Variants in GSN observed in about 807,000 individuals in gnomAD.
GSN encodes the protein gelsolin.
Under a neutral mutation model 85.7 loss-of-function variants are expected in GSN, and 56 were observed. The ratio of observed to expected loss-of-function variants is 0.65; its 90% CI spans 0.53 to 0.82. The LOEUF is 0.82. Among genes scored for constraint, GSN ranks in the 40% least tolerant of loss-of-function variants. The pLI is 0.00. For missense variants in GSN, 857 were observed against 979.8 expected (o/e 0.87, Z 1.67); for synonymous variants, 373 against 399.1 (o/e 0.93, Z 0.78).
rs938702801 is a variant in GSN, at chr9:121,332,557, G to A, written c.2150G>A (p.Trp717Ter). 2 of 1,614,102 alleles carry A rather than the reference G, an allele frequency of 1.2e-6. No homozygotes were observed. The highest frequency in any genetic ancestry group is 1.7e-5 in the Admixed American group (1 of 60,020). Residue 717 changes from tryptophan (W) to a stop codon, truncating the protein, a stop_gained, in exon 18 of 18, where the codon TGG becomes TAG. Coordinates refer to ENST00000432226, the MANE Select transcript of GSN (RefSeq NM_198252.3). LOFTEE classifies it high-confidence loss of function. This position sits in a 1 kb window ranked among gnomAD's most constrained non-coding sequence, Gnocchi z 4.8. ...TTCCTTGGCTGGGATGATGATTACTGGTCTGTGGACCCCTTGGACAGGGCC... is the reference window on the plus strand; with the variant it reads ...TTCCTTGGCTGGGATGATGATTACTAGTCTGTGGACCCCTTGGACAGGGCC... The part of the protein sequence containing the change: ...GWFLGWDDDY[W>*]SVDPLDRAMA...
At chr9:121,254,418 C>T (rs2054905958) in intron 6 of GSN, among the ~76,000 whole-genome samples, 1 of 152,188 alleles carries the variant, frequency 6.6e-6, no homozygotes, top group South Asian at 2.1e-4. Flanking sequence ...AGTTCTTTCT[C>T]TTCCCTTTTC....
rs76463933 is a variant in GSN, at chr9:121,327,414, C to T, written c.1694C>T (p.Thr565Met). Residue 565 changes from threonine (T) to methionine (M), a missense_variant, in exon 14 of 18, where the codon ACG becomes ATG. By Grantham distance (81) the Thr-to-Met change is moderately conservative. Transcript: ENST00000432226. ...VGTGASEAEKTGAQELLRVLR... is the reference protein window; with the variant it reads ...VGTGASEAEKMGAQELLRVLR... ...ACAGGAGCCAGCGAGGCAGAGAAGA[C>T]GGGGGCCCAGGAGCTGCTCAGGGTG... 0.035 allele frequency: 57,046 copies of T among 1,610,990 alleles called. 1,584 individuals carry two copies. Among genetic ancestry groups the T allele is most frequent in the African/African-American group, 0.13 (9,795 of 74,944 alleles).
intron 11 of GSN, among the ~76,000 whole-genome samples, chr9:121,321,812 G>A (rs177697): frequency 0.58 from 87,999 of 151,822 alleles, 25,792 homozygotes; most frequent in East Asian, 0.68. Context: ...GTGCGGTCTC[G>A]CTCACTGCAA....
intron 4 of GSN, among the ~76,000 whole-genome samples, chr9:121,229,134 A>G (rs955708747): frequency 6.6e-6 from 1 of 152,274 alleles, no homozygotes; most frequent in African/African-American, 2.4e-5. Flanking sequence ...AGAGCACATA[A>G]TTCTCATAAC....
rs554900094 is a variant in GSN, at chr9:121,234,790, A to G, written c.-389+3487A>G. ...CTTAAGCCCAGGAGTTAAAGTCTGC[A>G]GTGAGCTATGATTGCATCACCATAC... On this transcript the variant is annotated intron_variant, in intron 5 of 24. Transcript: ENST00000373823. 9.8e-4 allele frequency among the ~76,000 whole-genome samples: 150 copies of G among 152,362 alleles called. 1 individual carries two copies. The South Asian group carries it at 0.03, about 31-fold the overall frequency.
At chr9:121,222,431 T>C (rs151157205) in intron 4 of GSN, among the ~76,000 whole-genome samples, 8 of 152,298 alleles carry the variant, frequency 5.3e-5, no homozygotes, top group Admixed American at 5.2e-4. Flanking sequence ...CAAAGGAGAA[T>C]CTGATTAACA....
At chr9:121,239,725 G>A (rs927131194) in intron 5 of GSN, 11 of 306,492 alleles carry the variant, frequency 3.6e-5, no homozygotes, top group African/African-American at 1.8e-4. Context: ...GGTTTTTCCC[G>A]ATCCAACTAA....
upstream of GSN, chr9:121,265,776 G>A (rs1456393259): frequency 6.6e-6 from 1 of 152,172 alleles, no homozygotes; most frequent in Non-Finnish European, 1.5e-5. Flanking sequence ...GGACAAACAG[G>A]CCTTACCTTA....
intron 1 of GSN, among the ~76,000 whole-genome samples, chr9:121,274,091 A>G (rs2132435792): frequency 6.6e-6 from 1 of 152,364 alleles, no homozygotes; most frequent in East Asian, 1.9e-4. Flanking sequence ...ATAATTAAGC[A>G]GCAAAGTATT....
At chr9:121,317,448 C>T in intron 8 of GSN, 2 of 547,982 alleles carry the variant, frequency 3.6e-6, no homozygotes, top group Non-Finnish European at 6.6e-6. Context: ...ATGGGTGTTT[C>T]CCAAGTGCAT....
rs1222672292 is a variant in GSN, at chr9:121,299,495, T to C, written c.-9-2468T>C. 1 of 983,640 alleles carries C rather than the reference T, an allele frequency of 1.0e-6. No individual in the cohort carries two copies. Among genetic ancestry groups the C allele is most frequent in the East Asian group, 1.1e-4 (1 of 8,810 alleles). 60.9% of individuals were successfully genotyped at this position (983,640 alleles called of 1,614,324 possible). ...GTGAAAAGCTTTCAAAAATTGTTAG[T>C]TCATGTTATTTTTTTGCTGGAGGTG... On this transcript the variant is annotated intron_variant, in intron 2 of 17. Coordinates refer to ENST00000432226, the MANE Select transcript of GSN (RefSeq NM_198252.3). This position sits in a 1 kb window ranked among gnomAD's most constrained non-coding sequence, Gnocchi z 4.2.
intron 1 of GSN, among the ~76,000 whole-genome samples, chr9:121,279,595 G>A (rs2057094804): frequency 6.6e-6 from 1 of 152,026 alleles, no homozygotes; most frequent in Non-Finnish European, 1.5e-5. Context: ...GAGGGTGAGG[G>A]CCTGGTGTCT....
At chr9:121,232,339 C>T (rs988470534) in intron 5 of GSN, among the ~76,000 whole-genome samples, 9 of 152,144 alleles carry the variant, frequency 5.9e-5, no homozygotes, top group African/African-American at 2.2e-4. Flanking sequence ...CACCTTAGGG[C>T]CCTCACTATG....
At chr9:121,269,508 T>A (rs1588545795) in intron 1 of GSN, among the ~76,000 whole-genome samples, 1 of 152,098 alleles carries the variant, frequency 6.6e-6, no homozygotes, top group Non-Finnish European at 1.5e-5. Context: ...GCATTCCCTG[T>A]ACATACACAC....
chr9:121,262,071 C>T (rs1401297828), intron 6 of GSN, among the ~76,000 whole-genome samples: 1 of 152,188 alleles, frequency 6.6e-6, no homozygotes, highest in Non-Finnish European at 1.5e-5. Context: ...TTGAACAGCT[C>T]CAAATACCTT....
At chr9:121,312,272 A>G (rs2061236681) in intron 5 of GSN, 67 bp from the exon 6 acceptor site, 2 of 1,576,116 alleles carry the variant, frequency 1.3e-6, no homozygotes, top group East Asian at 2.2e-5. Context: ...CACACTCCCC[A>G]AGCCCTGTCG....
intron 5 of GSN, among the ~76,000 whole-genome samples, chr9:121,234,587 G>GAATTCCTTGATAA (rs1240788813): frequency 5.3e-5 from 8 of 152,298 alleles, no homozygotes; most frequent in Non-Finnish European, 1.0e-4. Context: ...TTGATAAGAG[G>GAATTCCTTGATAA]GAGCATCGTG....
chr9:121,211,341 C>T (rs758960708), intron 4 of GSN, among the ~76,000 whole-genome samples: 2 of 151,860 alleles, frequency 1.3e-5, no homozygotes, highest in African/African-American at 2.4e-5. Flanking sequence ...TATATTTTAC[C>T]ACATAAAAAA....
chr9:121,323,926 A>C (rs2062823343), intron 11 of GSN, among the ~76,000 whole-genome samples: 1 of 152,138 alleles, frequency 6.6e-6, no homozygotes, highest in African/African-American at 2.4e-5. Flanking sequence ...GTGTGAGAAG[A>C]CTGTTTTAAA....
Sources: gnomAD v4.1 joint callset for allele counts (sites outside exome capture counted in the v4.1 genomes callset) on GRCh38, gnomAD v4.1.1 for gene constraint, Gnocchi (gnomAD v3.1) non-coding constraint, MANE v1.5 for transcripts, NCBI Gene and HGNC (gene_info 2026-07-23, HGNC 2026-07-21) for gene names.